SLC38A10: variants seen among roughly 807,000 people sequenced by gnomAD.
The protein encoded by SLC38A10 is Sodium-coupled neutral amino acid transporter 10.
SLC38A10 carries 53 observed loss-of-function variants against 81.0 expected under a neutral mutation model. The ratio of observed to expected loss-of-function variants is 0.65; its 90% CI spans 0.53 to 0.82. The LOEUF is 0.82. SLC38A10 is among the 40% of genes least tolerant of loss of function. SLC38A10 has a pLI of 0.00. For synonymous variants in SLC38A10, 665 were observed against 655.3 expected, an observed-to-expected ratio of 1.01 and a Z score of -0.23; for missense variants, 1,471 against 1,545.0, an observed-to-expected ratio of 0.95 and a Z score of 0.80.
At chr17:81,275,710 C>T (rs1375376743) in intron 8 of SLC38A10, among the ~76,000 whole-genome samples, 1 of 126,670 alleles carries the variant, frequency 7.9e-6, no homozygotes. Flanking sequence ...CCAGCCTGGG[C>T]GACAGAGCGA....
rs762628682 is a variant in SLC38A10, at chr17:81,247,040, A to G, written c.2087T>C (p.Leu696Pro). The change falls in exon 15 of 16, where the codon CTG becomes CCG. Residue 696 changes from leucine to proline, a missense_variant. By Grantham distance (98) the Leu-to-Pro change is moderately conservative. This residue lies in a region of SLC38A10 where 751 missense variants were observed against 717.4 expected (regional missense o/e 1.05). Coordinates refer to ENST00000374759, the MANE Select transcript of SLC38A10 (RefSeq NM_001037984.3). Reference protein sequence around the residue: ...QLEEAGRAEMLDHAVLLQVIK... With the variant: ...QLEEAGRAEMPDHAVLLQVIK... ...CACCTGAAGCAGGACGGCGTGGTCC[A>G]GCATCTCCGCCCTGCCAGCTTCTGG... 1.3e-6 allele frequency: 2 copies of G among 1,593,246 alleles called. No homozygotes were observed. Among genetic ancestry groups the G allele is most frequent in the Non-Finnish European group, 1.7e-6 (2 of 1,172,728 alleles).
At chr17:81,258,091 G>A (rs66551808) in intron 11 of SLC38A10, among the ~76,000 whole-genome samples, 5,886 of 152,292 alleles carry the variant, frequency 0.039, 272 homozygotes, top group African/African-American at 0.11. Context: ...CCGGCTGTGC[G>A]CGTCTAACCA....
chr17:81,293,458 T>C (rs997217984), intron 1 of SLC38A10, among the ~76,000 whole-genome samples: 4 of 151,786 alleles, frequency 2.6e-5, no homozygotes, highest in African/African-American at 9.7e-5. Context: ...GTTTGAAAAT[T>C]CCTTGATCAA....
chr17:81,293,496 G>T (rs2063325957), intron 1 of SLC38A10, among the ~76,000 whole-genome samples: 1 of 152,120 alleles, frequency 6.6e-6, no homozygotes, highest in Admixed American at 6.6e-5. Context: ...TTTAGAGATG[G>T]GGTACTGTTG....
Position 81,277,177 on chromosome 17 carries a change from C to CTTCTAG in SLC38A10, c.627-45_627-44insCTAGAA. ...TTTCACAGCGGACCTGAGAGAGGCA[C>CTTCTAG]GCCCTCCCCAGCGGCTCCACTTCTA... is the stretch of plus-strand genomic sequence containing the variant. On this transcript the variant is annotated intron_variant, in intron 6 of 15. Coordinates refer to ENST00000374759, the MANE Select transcript of SLC38A10 (RefSeq NM_001037984.3). This position sits in a 1 kb window ranked among gnomAD's most constrained non-coding sequence, Gnocchi z 4.5. The CTTCTAG allele has an allele frequency of 6.3e-7, 1 of 1,578,538 alleles. No individual in the cohort carries two copies. Among genetic ancestry groups the CTTCTAG allele is most frequent in the Non-Finnish European group, 8.7e-7 (1 of 1,150,002 alleles).
chr17:81,280,102 T>G (rs2146942040), intron 6 of SLC38A10: 1 of 448,364 alleles, frequency 2.2e-6, no homozygotes, highest in Non-Finnish European at 4.5e-6. Flanking sequence ...CTTGTCATTT[T>G]GGTGGAGAAG....
intron 6 of SLC38A10, chr17:81,280,097 C>G: frequency 2.2e-6 from 1 of 446,808 alleles, no homozygotes; most frequent in Non-Finnish European, 4.5e-6. Flanking sequence ...TCGCTCTTGT[C>G]ATTTTGGTGG....
intron 11 of SLC38A10, among the ~76,000 whole-genome samples, 164 bp downstream of exon 11, chr17:81,260,074 T>C (rs1332779875): frequency 1.3e-5 from 2 of 152,158 alleles, no homozygotes; most frequent in African/African-American, 4.8e-5. Context: ...CCAGCCATGG[T>C]GCACAGAGCA....
intron 11 of SLC38A10, among the ~76,000 whole-genome samples, chr17:81,256,231 A>G (rs578196274): frequency 1.3e-5 from 2 of 152,350 alleles, no homozygotes; most frequent in South Asian, 4.1e-4. Context: ...GGAGGCCCCA[A>G]GGCTGCCAAG....
chr17:81,271,334 C>G (rs2063114083), intron 9 of SLC38A10, among the ~76,000 whole-genome samples: 1 of 152,226 alleles, frequency 6.6e-6, no homozygotes, highest in Non-Finnish European at 1.5e-5. Flanking sequence ...CCTCTCCTGC[C>G]TGCTGCTCCA....
At chr17:81,252,051 G>T in intron 13 of SLC38A10, 144 bp downstream of exon 13, 1 of 1,216,646 alleles carries the variant, frequency 8.2e-7, no homozygotes, top group Non-Finnish European at 1.1e-6. Flanking sequence ...ACCAGCTGCC[G>T]GGGCCCGCTC....
intron 9 of SLC38A10, among the ~76,000 whole-genome samples, chr17:81,271,679 G>C (rs1158484826): frequency 6.6e-6 from 1 of 151,838 alleles, no homozygotes; most frequent in Non-Finnish European, 1.5e-5. Context: ...AATTGAGCCT[G>C]TGTCCCGGCA....
chr17:81,257,014 A>G (rs1216331273), intron 11 of SLC38A10, among the ~76,000 whole-genome samples: 1 of 152,236 alleles, frequency 6.6e-6, no homozygotes, highest in Non-Finnish European at 1.5e-5. Context: ...TTCCTTCCAC[A>G]GAGCACCGAA....
In SLC38A10 at chr17:81,265,691, C is replaced by T. The variant is rs2052572735; in HGVS notation, c.1131+5227G>A. ...CCAGGCCTGTGCCCCTCCGTGGGCG[C>T]AGCCGGAGCCCCTGGGACAGTGGCC... is the stretch of plus-strand genomic sequence containing the variant. On this transcript the variant is annotated intron_variant, in intron 10 of 15. Coordinates refer to ENST00000374759, the MANE Select transcript of SLC38A10 (RefSeq NM_001037984.3). The surrounding 1 kb of genome is among the most constrained non-coding windows in gnomAD (Gnocchi z 4.2). Among the ~76,000 whole-genome samples, 1 of 152,254 alleles carries T rather than the reference C, an allele frequency of 6.6e-6. No individual in the cohort carries two copies. The highest frequency in any genetic ancestry group is 2.4e-5 in the African/African-American group (1 of 41,464).
chr17:81,246,339 G>A lies in SLC38A10; in HGVS notation c.2577C>T (p.Pro859=), dbSNP rs369715405. 39 of 1,607,622 alleles carry A rather than the reference G, an allele frequency of 2.4e-5. No individual in the cohort carries two copies. Among genetic ancestry groups the A allele is most frequent in the South Asian group, 3.3e-5 (3 of 91,028 alleles). ...CGGCTTCCCTGGCGGGGTCTGGCACGGGCACCTGCTCCGGGCCCTTGGGGA... is the reference window on the plus strand; with the variant it reads ...CGGCTTCCCTGGCGGGGTCTGGCACAGGCACCTGCTCCGGGCCCTTGGGGA... ...KELPKGPEQV[P]VPDPAREAGG... Residue 859 remains proline (P), a synonymous_variant, in exon 16 of 16, where the codon CCC becomes CCT. Transcript: ENST00000374759.
At position 81,276,060 on chromosome 17, in the gene SLC38A10, C is replaced by G. The variant is rs768554867; in HGVS notation, c.821G>C (p.Arg274Pro). The G allele has an allele frequency of 3.1e-6, 5 of 1,613,998 alleles. No homozygotes were observed. The South Asian group carries it at 4.4e-5, about 14-fold the overall frequency. ...AGCCACTGACATCATGAAGCCCACA[C>G]GGAGCATCTCCGTCACCAGGTTGGA... ...FPSNLVTEML[R>P]VGFMMSVAVG... Residue 274 changes from arginine (R) to proline (P), a missense_variant, in exon 8 of 16, where the codon CGT becomes CCT. By Grantham distance (103) the Arg-to-Pro change is moderately radical. Around this residue, in one of 2 missense-constraint regions of SLC38A10, gnomAD observed 720 missense variants for 827.7 expected, o/e 0.87. Coordinates refer to ENST00000374759, the MANE Select transcript of SLC38A10 (RefSeq NM_001037984.3). The surrounding 1 kb of genome is among the most constrained non-coding windows in gnomAD (Gnocchi z 4.7).
In SLC38A10 at chr17:81,270,429, TG is replaced by T. The variant is rs1268548615; in HGVS notation, c.1131+488del. Among the ~76,000 whole-genome samples the T allele has an allele frequency of 6.6e-6, 1 of 152,204 alleles. No homozygotes were observed. The highest frequency in any genetic ancestry group is 1.5e-5 in the Non-Finnish European group (1 of 68,044). ...GGCTAAAAATAGCGAGGCAGCTCTG[TG>T]CCCACGGCTGTGGAGCAACCTGACC... On this transcript the variant is annotated intron_variant, in intron 10 of 15. Coordinates refer to ENST00000374759, the MANE Select transcript of SLC38A10 (RefSeq NM_001037984.3). This position sits in a 1 kb window ranked among gnomAD's most constrained non-coding sequence, Gnocchi z 4.0.
Position 81,252,205 on chromosome 17 carries a change from G to C in SLC38A10, c.1935C>G (p.Asp645Glu). The change falls in exon 13 of 16, where the codon GAC becomes GAG. Residue 645 changes from aspartate (D) to glutamate (E), a missense_variant. Physicochemically the swap from Asp to Glu is conservative, Grantham distance 45. Around this residue, in one of 2 missense-constraint regions of SLC38A10, gnomAD observed 751 missense variants for 717.4 expected, o/e 1.05. Transcript: ENST00000374759. Reference sequence around the variant, plus strand: ...CAGGCTGACACCCACCGTGGTCGCTGTCCTCTGCGGGCTGCCCTGTGTCCC... The same window carrying C: ...CAGGCTGACACCCACCGTGGTCGCTCTCCTCTGCGGGCTGCCCTGTGTCCC... ...AAGDTGQPAE[D>E]SDHGGKPPLP... 6.6e-7 allele frequency: 1 copy of C among 1,512,374 alleles called. No individual in the cohort carries two copies. Among genetic ancestry groups the C allele is most frequent in the Non-Finnish European group, 8.8e-7 (1 of 1,134,620 alleles). 93.7% of individuals were successfully genotyped at this position (1,512,374 alleles called of 1,614,324 possible).
chr17:81,257,193 C>G (rs1375304886), intron 11 of SLC38A10, among the ~76,000 whole-genome samples: 1 of 152,196 alleles, frequency 6.6e-6, no homozygotes, highest in Non-Finnish European at 1.5e-5. Context: ...CATCTCGGCT[C>G]ACTGCAGCCC....
Sources: allele counts gnomAD v4.1 joint callset (sites outside exome capture counted in the v4.1 genomes callset), GRCh38; gene constraint gnomAD v4.1.1; regional missense constraint gnomAD v4.1.1; non-coding constraint Gnocchi (gnomAD v3.1); transcripts MANE v1.5; gene names NCBI Gene and HGNC (gene_info 2026-07-23, HGNC 2026-07-21).